The following KIF26B variants were observed in gnomAD, a reference collection of about 807,000 sequenced individuals.
KIF26B encodes the protein kinesin family member 26B.
KIF26B carries 63 observed loss-of-function variants against 151.2 expected under a neutral mutation model. The ratio of observed to expected loss-of-function variants is 0.42; its 90% CI spans 0.34 to 0.51. The LOEUF is 0.51. Ranked by LOEUF, KIF26B falls within the 20% of genes least tolerant of loss-of-function variation. The pLI, the probability that KIF26B is intolerant of heterozygous loss-of-function variation, is 0.07. For missense variants in KIF26B, 2,813 were observed against 2,913.6 expected, an observed-to-expected ratio of 0.97 and a Z score of 0.79; for synonymous variants, 1,357 against 1,262.1, an observed-to-expected ratio of 1.08 and a Z score of -1.59.
At chr1:245,531,886 G>A (rs527632718) in intron 4 of KIF26B, among the ~76,000 whole-genome samples, 2 of 152,244 alleles carry the variant, frequency 1.3e-5, no homozygotes, top group East Asian at 3.9e-4. Context: ...CACTCGAGGC[G>A]AGGAGTTCAA....
At chr1:245,182,185 T>C (rs1668918974) in intron 2 of KIF26B, among the ~76,000 whole-genome samples, 1 of 152,198 alleles carries the variant, frequency 6.6e-6, no homozygotes, top group Non-Finnish European at 1.5e-5. Flanking sequence ...TTTTAGAACA[T>C]TTCTGTCACT....
In KIF26B at chr1:245,552,616, A is replaced by ATTTTTTT. The variant is rs3038129; in HGVS notation, c.1350+11676_1350+11682dup. Among the ~76,000 whole-genome samples, 366 of 138,504 alleles carry ATTTTTTT rather than the reference A, an allele frequency of 2.6e-3. 9 individuals are homozygous for ATTTTTTT. The highest frequency in any genetic ancestry group is 8.9e-3 in the African/African-American group (326 of 36,586). The allele number at this position is 138,504 out of a possible 152,430, so 90.9% of individuals were successfully genotyped here. The stretch of plus-strand genomic sequence containing the variant: ...CCTTGCACCTATGTCATCTTCCTGG[A>ATTTTTTT]TTTTTTTTTTTTTTTTGAGACAGTC... On this transcript the variant is annotated intron_variant, in intron 5 of 14. Coordinates refer to ENST00000407071, the MANE Select transcript of KIF26B (RefSeq NM_018012.4).
At chr1:245,196,760 A>G (rs545034815) in intron 2 of KIF26B, among the ~76,000 whole-genome samples, 1 of 152,216 alleles carries the variant, frequency 6.6e-6, no homozygotes, top group African/African-American at 2.4e-5. Flanking sequence ...TTACCCATCT[A>G]TTAGAGCTTT....
At chr1:245,238,103 C>T (rs1233265277) in intron 2 of KIF26B, among the ~76,000 whole-genome samples, 2 of 151,922 alleles carry the variant, frequency 1.3e-5, no homozygotes, top group African/African-American at 4.8e-5. Flanking sequence ...GAGGCCAAGG[C>T]AGGCAGATCA....
At chr1:245,279,927 A>C (rs1191886836) in intron 2 of KIF26B, among the ~76,000 whole-genome samples, 1 of 152,010 alleles carries the variant, frequency 6.6e-6, no homozygotes, top group East Asian at 1.9e-4. Context: ...GCTGCTATGT[A>C]AGCTTCATTG....
intron 4 of KIF26B, among the ~76,000 whole-genome samples, chr1:245,468,719 A>G (rs541360474): frequency 1.3e-5 from 2 of 152,114 alleles, no homozygotes; most frequent in East Asian, 3.9e-4. Context: ...GGGCTTTGTT[A>G]TTGAATTGAG....
chr1:245,461,530 C>T (rs1459691371), intron 4 of KIF26B, among the ~76,000 whole-genome samples: 2 of 152,138 alleles, frequency 1.3e-5, no homozygotes, highest in Non-Finnish European at 2.9e-5. Flanking sequence ...GACAGCAGGG[C>T]AGGGTCGTTT....
intron 10 of KIF26B, among the ~76,000 whole-genome samples, chr1:245,674,478 C>T (rs1364766552): frequency 2.6e-5 from 4 of 152,126 alleles, no homozygotes; most frequent in Non-Finnish European, 4.4e-5. Context: ...GTCTTATTAC[C>T]GAATCTTTCA....
At chr1:245,220,555 C>A (rs1451720670) in intron 2 of KIF26B, among the ~76,000 whole-genome samples, 3 of 152,124 alleles carry the variant, frequency 2.0e-5, no homozygotes, top group Non-Finnish European at 4.4e-5. Context: ...TAGTCAGGCA[C>A]CCCGAAGGAG....
At chr1:245,561,339 C>T (rs2042947337) in intron 5 of KIF26B, among the ~76,000 whole-genome samples, 1 of 152,168 alleles carries the variant, frequency 6.6e-6, no homozygotes, top group Non-Finnish European at 1.5e-5. Flanking sequence ...TGTGTACCTC[C>T]CCTCTTCCCT....
At chr1:245,421,378 G>A (rs1049584678) in intron 4 of KIF26B, among the ~76,000 whole-genome samples, 3 of 152,130 alleles carry the variant, frequency 2.0e-5, no homozygotes, top group Admixed American at 1.3e-4. Context: ...GACTTGGTTC[G>A]TTCTGTAGAG....
At position 245,686,584 on chromosome 1, in the gene KIF26B, G is replaced by A. The variant is rs565300410; in HGVS notation, c.3601G>A (p.Val1201Ile). 3 of 1,612,440 alleles carry A rather than the reference G, an allele frequency of 1.9e-6. No homozygotes were observed. Among genetic ancestry groups the A allele is most frequent in the East Asian group, 2.2e-5 (1 of 44,850 alleles). ...TLVEELTISG[V>I]LDSGRPTSII... is the part of the protein sequence containing the mutation. ...GGTGGAGGAGCTGACCATCAGCGGG[G>A]TCCTGGACAGCGGCCGCCCCACCAG... The change falls in exon 12 of 15, where the codon GTC (valine) becomes ATC (isoleucine). Residue 1201 changes from valine (V) to isoleucine (I), a missense_variant. Around this residue, in one of 3 missense-constraint regions of KIF26B, gnomAD observed 2,060 missense variants for 2,088.6 expected, o/e 0.99. Transcript: ENST00000407071. The surrounding 1 kb of genome is among the most constrained non-coding windows in gnomAD (Gnocchi z 5.6).
At chr1:245,457,194 C>T (rs559506861) in intron 4 of KIF26B, among the ~76,000 whole-genome samples, 7 of 151,932 alleles carry the variant, frequency 4.6e-5, no homozygotes, top group African/African-American at 1.7e-4. Context: ...GAGAGAATGA[C>T]CTATTATCTA....
intron 2 of KIF26B, among the ~76,000 whole-genome samples, chr1:245,243,892 G>T (rs974000414): frequency 1.3e-5 from 2 of 151,462 alleles, no homozygotes; most frequent in African/African-American, 4.9e-5. Context: ...GGAAAGGAAA[G>T]GAAAGGAAAA....
At chr1:245,463,293 G>A (rs1310992852) in intron 4 of KIF26B, among the ~76,000 whole-genome samples, 1 of 152,176 alleles carries the variant, frequency 6.6e-6, no homozygotes, top group Non-Finnish European at 1.5e-5. Flanking sequence ...CAAGGGACCT[G>A]TGGCTCAGGG....
chr1:245,305,135 T>C (rs1391324907), intron 2 of KIF26B, among the ~76,000 whole-genome samples: 1 of 152,226 alleles, frequency 6.6e-6, no homozygotes, highest in Non-Finnish European at 1.5e-5. Context: ...CTCTCTAAAA[T>C]TGATATAACA....
chr1:245,682,970 C>T (rs2044458904), intron 10 of KIF26B, among the ~76,000 whole-genome samples: 1 of 152,212 alleles, frequency 6.6e-6, no homozygotes, highest in Non-Finnish European at 1.5e-5. Context: ...GGTCATTTTG[C>T]TGGAAGGGAA....
intron 2 of KIF26B, among the ~76,000 whole-genome samples, chr1:245,251,642 A>C (rs984518841): frequency 7.9e-5 from 12 of 152,326 alleles, no homozygotes; most frequent in Non-Finnish European, 1.6e-4. Context: ...TTTGGCATAG[A>C]AGTAGCCAGT....
intron 4 of KIF26B, among the ~76,000 whole-genome samples, chr1:245,502,529 CAAAAAAAAA>C (rs10596275): frequency 4.0e-4 from 39 of 96,738 alleles, no homozygotes; most frequent in East Asian, 3.4e-3. Context: ...GATTCTGTCT[CAAAAAAAAA>C]AAAAAAAAAA....
Sources: gnomAD v4.1 joint callset for allele counts (sites outside exome capture counted in the v4.1 genomes callset) on GRCh38, gnomAD v4.1.1 for gene constraint, gnomAD v4.1.1 regional missense constraint, Gnocchi (gnomAD v3.1) non-coding constraint, MANE v1.5 for transcripts, NCBI Gene and HGNC (gene_info 2026-07-23, HGNC 2026-07-21) for gene names.